The following AKAP7 variants were observed in gnomAD, a reference collection of about 807,000 sequenced individuals.
The protein encoded by AKAP7 is A-kinase anchoring protein 7.
Under a neutral mutation model 39.5 loss-of-function variants are expected in AKAP7, and 39 were observed. That is an observed-to-expected ratio of 0.99 (90% CI 0.76 to 1.29). AKAP7 has a LOEUF of 1.29. Among genes scored for constraint, AKAP7 ranks in the 50% most tolerant of loss-of-function variants. AKAP7 has a pLI of 0.00. For missense variants in AKAP7, 414 were observed against 407.7 expected (o/e 1.02, Z -0.13); for synonymous variants, 140 against 139.1 (o/e 1.01, Z -0.05).
rs141411139 is a variant in AKAP7, at chr6:131,260,267, G to A, written c.851-21263G>A. Among the ~76,000 whole-genome samples, 356 of 152,220 alleles carry A rather than the reference G, an allele frequency of 2.3e-3. 1 individual carries two copies. Among genetic ancestry groups the A allele is most frequent in the African/African-American group, 8.0e-3 (334 of 41,530 alleles). On this transcript the variant is annotated intron_variant, in intron 7 of 7. Coordinates refer to ENST00000431975, the MANE Select transcript of AKAP7 (RefSeq NM_016377.4). ...GTGAATAGTGCTGCAATAAACATAC[G>A]TGTGCGTGTATCTTTATAATAGAAT...
chr6:131,181,090 C>T (rs1309793375), intron 5 of AKAP7, among the ~76,000 whole-genome samples: 1 of 152,102 alleles, frequency 6.6e-6, no homozygotes, highest in African/African-American at 2.4e-5. Context: ...CGCCTGCCAC[C>T]ATGCCTGGCT....
At chr6:131,129,338 C>G in the AKAP7 span, among the ~76,000 whole-genome samples, 19 of 150,660 alleles carry the variant, frequency 1.3e-4, no homozygotes, top group Admixed American at 7.9e-4. Context: ...TAGAAGAATG[C>G]TTAATGACAT....
chr6:131,128,051 G>A, the AKAP7 span, among the ~76,000 whole-genome samples: 169 of 152,184 alleles, frequency 1.1e-3, no homozygotes, highest in African/African-American at 4.0e-3. Context: ...CGCAGGGAGA[G>A]GATCGGAAAA....
intron 2 of AKAP7, among the ~76,000 whole-genome samples, chr6:131,147,788 T>C (rs1000270194): frequency 1.3e-5 from 2 of 152,198 alleles, no homozygotes; most frequent in Non-Finnish European, 2.9e-5. Context: ...ATCACTCCCA[T>C]TGGAGTGCAT....
chr6:131,243,104 G>A (rs1345696715), intron 7 of AKAP7, among the ~76,000 whole-genome samples: 4 of 152,282 alleles, frequency 2.6e-5, no homozygotes, highest in Middle Eastern at 3.4e-3. Context: ...CAGGCTGAGC[G>A]TGGGGCACTA....
chr6:131,232,824 T>A lies in AKAP7; in HGVS notation c.850+13016T>A, dbSNP rs538260929. On this transcript the variant is annotated intron_variant, in intron 7 of 7. Transcript: ENST00000431975. ...AAAAAGAAAATGTTACTTATTCATA[T>A]CCATAGCAGTGCTAGTCATATAGAA... is the stretch of plus-strand genomic sequence containing the variant. Among the ~76,000 whole-genome samples the A allele has an allele frequency of 5.3e-5, 8 of 152,000 alleles. No homozygotes were observed. In the East Asian group the frequency reaches 1.4e-3, roughly 26 times the overall value.
chr6:131,272,367 A>C (rs78936323), intron 7 of AKAP7, among the ~76,000 whole-genome samples: 3,607 of 151,260 alleles, frequency 0.024, 94 homozygotes, highest in African/African-American at 0.063. Flanking sequence ...TTTCTATTTC[A>C]TTCTCCTACT....
chr6:131,252,643 G>T (rs1043262874), intron 7 of AKAP7, among the ~76,000 whole-genome samples: 3 of 152,184 alleles, frequency 2.0e-5, no homozygotes, highest in African/African-American at 7.2e-5. Flanking sequence ...AAGTGGCAGA[G>T]AATTTATTGC....
At chr6:131,248,384 A>G (rs1481130320) in intron 7 of AKAP7, among the ~76,000 whole-genome samples, 1 of 152,164 alleles carries the variant, frequency 6.6e-6, no homozygotes, top group Non-Finnish European at 1.5e-5. Flanking sequence ...CACTATACTG[A>G]TGCTGGTGAT....
At chr6:131,136,463 A>G (rs1006419750) in intron 1 of AKAP7, among the ~76,000 whole-genome samples, 1 of 152,166 alleles carries the variant, frequency 6.6e-6, no homozygotes, top group African/African-American at 2.4e-5. Context: ...AGTGTACTAT[A>G]TAAATAGCAG....
intron 5 of AKAP7, among the ~76,000 whole-genome samples, chr6:131,176,794 T>C (rs1265594769): frequency 6.6e-6 from 1 of 152,172 alleles, no homozygotes; most frequent in African/African-American, 2.4e-5. Context: ...TATTACTACA[T>C]GAAGTCTTGG....
In AKAP7 at chr6:131,241,569, TTA is replaced by T. The variant is rs761745804; in HGVS notation, c.850+21769_850+21770del. On this transcript the variant is annotated intron_variant, in intron 7 of 7. Transcript: ENST00000431975. ...TGAGGAGAGAGGTCCAGGACATAGA[TTA>T]TATATATGTGTGTGTGTGTGTGTGT... Among the ~76,000 whole-genome samples the T allele has an allele frequency of 1.5e-3, 148 of 96,312 alleles. 5 individuals are homozygous for T. Among genetic ancestry groups the T allele is most frequent in the South Asian group, 0.011 (33 of 2,986 alleles). The allele number at this position is 96,312 out of a possible 152,430, so 63.2% of individuals were successfully genotyped here.
chr6:131,138,375 C>A (rs1002152223), intron 1 of AKAP7, among the ~76,000 whole-genome samples: 1 of 152,128 alleles, frequency 6.6e-6, no homozygotes, highest in African/African-American at 2.4e-5. Context: ...CCTTAGTTAT[C>A]CAACACTTAA....
intron 5 of AKAP7, among the ~76,000 whole-genome samples, chr6:131,196,054 C>T (rs1248748227): frequency 6.6e-6 from 1 of 152,110 alleles, no homozygotes; most frequent in Non-Finnish European, 1.5e-5. Context: ...CGCTTTCTCT[C>T]CCTTTTTTTA....
intron 5 of AKAP7, among the ~76,000 whole-genome samples, chr6:131,171,172 A>G (rs752634998): frequency 1.3e-5 from 2 of 152,190 alleles, no homozygotes; most frequent in African/African-American, 2.4e-5. Context: ...ACTGGAAAAA[A>G]AAAAGATCCT....
chr6:131,268,678 A>AGCAG (rs1814017960), intron 7 of AKAP7, among the ~76,000 whole-genome samples: 2 of 152,222 alleles, frequency 1.3e-5, no homozygotes, highest in African/African-American at 4.8e-5. Flanking sequence ...TCAGAACAGG[A>AGCAG]AAGTGACCTT....
intron 1 of AKAP7, among the ~76,000 whole-genome samples, chr6:131,143,722 A>G (rs1334665178): frequency 6.7e-6 from 1 of 149,042 alleles, no homozygotes; most frequent in African/African-American, 2.5e-5. Flanking sequence ...CATCATAGCC[A>G]TGTTGTAGCC....
chr6:131,142,141 T>G (rs1801096459), intron 1 of AKAP7, among the ~76,000 whole-genome samples: 1 of 152,100 alleles, frequency 6.6e-6, no homozygotes, highest in Non-Finnish European at 1.5e-5. Flanking sequence ...CAAAAAGCAT[T>G]TTCAGGAGAG....
upstream of AKAP7, among the ~76,000 whole-genome samples, chr6:131,133,249 T>C (rs1389230574): frequency 6.6e-6 from 1 of 152,216 alleles, no homozygotes; most frequent in Non-Finnish European, 1.5e-5. Context: ...TCCTCATTTT[T>C]TGAGTATTAT....
Sources: allele counts gnomAD v4.1 joint callset (sites outside exome capture counted in the v4.1 genomes callset), GRCh38; gene constraint gnomAD v4.1.1; transcripts MANE v1.5; gene names NCBI Gene and HGNC (gene_info 2026-07-23, HGNC 2026-07-21).